Variants in FAM53B observed in about 807,000 individuals in gnomAD.
The protein encoded by FAM53B is family with sequence similarity 53 member B, also known as protein FAM53B.
FAM53B carries 12 observed loss-of-function variants against 32.7 expected under a neutral mutation model. The ratio of observed to expected loss-of-function variants is 0.37; its 90% CI spans 0.24 to 0.59. FAM53B has a LOEUF of 0.59. FAM53B is among the 20% of genes least tolerant of loss of function. The pLI is 0.72. For missense variants in FAM53B, 477 were observed against 577.7 expected (o/e 0.83, Z 1.79); for synonymous variants, 234 against 228.7 (o/e 1.02, Z -0.21).
intron 1 of FAM53B, among the ~76,000 whole-genome samples, chr10:124,739,458 T>C (rs1950189216): frequency 6.6e-6 from 1 of 152,224 alleles, no homozygotes; most frequent in African/African-American, 2.4e-5. Context: ...TTGGGAATCA[T>C]ATTATACTAG....
chr10:124,740,024 T>C (rs1051825420), intron 1 of FAM53B, among the ~76,000 whole-genome samples: 1 of 152,012 alleles, frequency 6.6e-6, no homozygotes, highest in Non-Finnish European at 1.5e-5. Context: ...AGCTCAAGTA[T>C]CTCCAATCAC....
intron 3 of FAM53B, among the ~76,000 whole-genome samples, chr10:124,683,197 C>T (rs961116476): frequency 3.3e-5 from 5 of 152,294 alleles, no homozygotes; most frequent in African/African-American, 1.2e-4. Context: ...CATTTGCACA[C>T]GAACCTTTAT....
rs1303206934 is a variant in FAM53B at position 124,620,925 on chromosome 10, G to C, written c.*2317C>G. On this transcript the variant is annotated 3_prime_UTR_variant, in exon 5 of 5. Transcript: ENST00000337318. ...GCTTGCTGGTCGATGGGACCAGCTT[G>C]CGGGGAGGTGGGGAGGTGGCTGTGA... is the stretch of plus-strand genomic sequence containing the variant. 1.3e-5 allele frequency: 2 copies of C among 152,250 alleles called. No individual in the cohort carries two copies. Among genetic ancestry groups the C allele is most frequent in the African/African-American group, 4.8e-5 (2 of 41,450 alleles). 9.4% of individuals were successfully genotyped at this position (152,250 alleles called of 1,614,324 possible).
intron 4 of FAM53B, among the ~76,000 whole-genome samples, chr10:124,638,533 G>C (rs1025033278): frequency 6.6e-6 from 1 of 152,220 alleles, no homozygotes; most frequent in Non-Finnish European, 1.5e-5. Flanking sequence ...TCGGGGCTCA[G>C]AGGGGTTTGA....
At position 124,622,603 on chromosome 10, in the gene FAM53B, T is replaced by C. The variant is rs1949318408; in HGVS notation, c.*639A>G. 2 of 152,476 alleles carry C rather than the reference T, an allele frequency of 1.3e-5. No individual in the cohort carries two copies. The highest frequency in any genetic ancestry group is 4.8e-5 in the African/African-American group (2 of 41,466). The allele number at this position is 152,476 out of a possible 1,614,324, so 9.4% of individuals were successfully genotyped here. ...TTCCTTGGGCCCGAGACTCCGGACA[T>C]GGCTTACCCTCTGGAGGGCCAGTCC... is the stretch of plus-strand genomic sequence containing the variant. On this transcript the variant is annotated 3_prime_UTR_variant, in exon 5 of 5. Coordinates refer to ENST00000337318, the MANE Select transcript of FAM53B (RefSeq NM_014661.4).
At chr10:124,697,748 C>T (rs149966730) in intron 2 of FAM53B, among the ~76,000 whole-genome samples, 3 of 152,034 alleles carry the variant, frequency 2.0e-5, no homozygotes, top group South Asian at 4.1e-4. Flanking sequence ...GCTTCTAGGG[C>T]GGAAGGGGAA....
Position 124,657,310 on chromosome 10 carries a change from T to C in FAM53B, c.906+24297A>G, listed in dbSNP as rs142085035. Among the ~76,000 whole-genome samples the C allele has an allele frequency of 6.0e-3, 916 of 152,150 alleles. 12 individuals carry two copies. Among genetic ancestry groups the C allele is most frequent in the African/African-American group, 0.016 (664 of 41,506 alleles). On this transcript the variant is annotated intron_variant, in intron 4 of 4. Transcript: ENST00000337318. ...ATATTTTGTTTTAACTCATGTTTCT[T>C]TCCCCTTTTTAAAGCAACAAATTCG...
rs1949851025 is a variant in FAM53B at position 124,693,851 on chromosome 10, C to A, written c.133+2307G>T. 2.0e-5 allele frequency among the ~76,000 whole-genome samples: 3 copies of A among 152,310 alleles called. No individual in the cohort carries two copies. In the South Asian group the frequency reaches 6.2e-4, roughly 32 times the overall value. ...TTTCTCCTCCACCAGACAGAAAGCT[C>A]CCTGAGAGAAGGGGCAGGGTCTGAT... On this transcript the variant is annotated intron_variant, in intron 3 of 4. Transcript: ENST00000337318.
At chr10:124,743,167 A>C (rs1207873231) in intron 1 of FAM53B, among the ~76,000 whole-genome samples, 1 of 150,316 alleles carries the variant, frequency 6.7e-6, no homozygotes, top group Non-Finnish European at 1.5e-5. Flanking sequence ...GGGCGGGGGG[A>C]GCGAGAACAC....
At chr10:124,698,687 T>G (rs999749053) in intron 2 of FAM53B, among the ~76,000 whole-genome samples, 1 of 152,058 alleles carries the variant, frequency 6.6e-6, no homozygotes, top group Non-Finnish European at 1.5e-5. Flanking sequence ...CACCCCACCA[T>G]TGGCCCTGAT....
At chr10:124,694,108 T>A (rs1949852553) in intron 3 of FAM53B, among the ~76,000 whole-genome samples, 1 of 152,168 alleles carries the variant, frequency 6.6e-6, no homozygotes, top group Non-Finnish European at 1.5e-5. Flanking sequence ...CTCCCACCAG[T>A]ACAACGGCTC....
At chr10:124,728,537 C>A (rs1457924196) in intron 1 of FAM53B, among the ~76,000 whole-genome samples, 2 of 152,230 alleles carry the variant, frequency 1.3e-5, no homozygotes, top group African/African-American at 4.8e-5. Flanking sequence ...ATCCCTGACG[C>A]CTCCAGACTG....
chr10:124,656,620 C>A (rs1004178108), intron 4 of FAM53B, among the ~76,000 whole-genome samples: 1 of 152,130 alleles, frequency 6.6e-6, no homozygotes, highest in African/African-American at 2.4e-5. Context: ...GCCCCTAAGG[C>A]CAGACAACAC....
chr10:124,621,221 C>A lies in FAM53B; in HGVS notation c.*2021G>T, dbSNP rs3740538. 0.014 allele frequency: 2,205 copies of A among 152,300 alleles called. 185 individuals are homozygous for A. In the East Asian group the frequency reaches 0.25, roughly 17 times the overall value. The allele number at this position is 152,300 out of a possible 1,614,324, so 9.4% of individuals were successfully genotyped here. On this transcript the variant is annotated 3_prime_UTR_variant, in exon 5 of 5. Transcript: ENST00000337318. ...CCTCGGCCACACCGGGCATGTGGTGCCAGGACCCCCCACGCCCAGTGGTAC... is the reference window on the plus strand; with the variant it reads ...CCTCGGCCACACCGGGCATGTGGTGACAGGACCCCCCACGCCCAGTGGTAC...
intron 4 of FAM53B, among the ~76,000 whole-genome samples, chr10:124,675,144 C>A (rs1319941108): frequency 6.6e-6 from 1 of 152,202 alleles, no homozygotes; most frequent in Non-Finnish European, 1.5e-5. Flanking sequence ...ATTGCTTGTG[C>A]AACCTGAGGG....
chr10:124,739,233 G>A (rs1472303309), intron 1 of FAM53B, among the ~76,000 whole-genome samples: 1 of 152,224 alleles, frequency 6.6e-6, no homozygotes, highest in Non-Finnish European at 1.5e-5. Flanking sequence ...AAAGCAACCA[G>A]GCTCTGAAGG....
intron 3 of FAM53B, among the ~76,000 whole-genome samples, chr10:124,684,194 A>T (rs186313527): frequency 6.6e-6 from 1 of 152,346 alleles, no homozygotes; most frequent in Non-Finnish European, 1.5e-5. Flanking sequence ...TGCAGGAGAG[A>T]AACCTTCCAA....
chr10:124,656,584 G>T (rs1015344491), intron 4 of FAM53B, among the ~76,000 whole-genome samples: 3 of 152,210 alleles, frequency 2.0e-5, no homozygotes, highest in Non-Finnish European at 4.4e-5. Flanking sequence ...TGGTCAAATT[G>T]TGCTTGGTGC....
At chr10:124,623,871 C>T in intron 4 of FAM53B, 1 of 464,244 alleles carries the variant, frequency 2.2e-6, no homozygotes, top group South Asian at 3.2e-5. Context: ...GATGCAGACC[C>T]AGTTCTGGGG....
Sources: allele counts gnomAD v4.1 joint callset (sites outside exome capture counted in the v4.1 genomes callset), GRCh38; gene constraint gnomAD v4.1.1; transcripts MANE v1.5; gene names NCBI Gene and HGNC (gene_info 2026-07-23, HGNC 2026-07-21).